The following AXIN1 variants were observed in gnomAD, a reference collection of about 807,000 sequenced individuals.
The protein encoded by AXIN1 is axin 1, also known as axin-1.
A neutral mutation model predicts 76.4 loss-of-function variants in AXIN1; 30 were observed. The ratio of observed to expected loss-of-function variants is 0.39; its 90% CI spans 0.29 to 0.53. The LOEUF is 0.53. Among genes scored for constraint, AXIN1 ranks in the 20% least tolerant of loss-of-function variants. The probability of loss-of-function intolerance (pLI) is 0.66; values close to 1 mark genes in which losing one functional copy is unlikely to be tolerated. For missense variants in AXIN1, 1,140 were observed against 1,198.8 expected, an observed-to-expected ratio of 0.95 and a Z score of 0.72; for synonymous variants, 545 against 501.4, an observed-to-expected ratio of 1.09 and a Z score of -1.16.
At chr16:332,684 T>TA (rs1438520314) in intron 2 of AXIN1, among the ~76,000 whole-genome samples, 1 of 127,238 alleles carries the variant, frequency 7.9e-6, no homozygotes, top group African/African-American at 3.1e-5. Flanking sequence ...AAAAAAAGTA[T>TA]AATTTTTTGA....
chr16:344,137 C>T (rs1327787171), intron 2 of AXIN1, among the ~76,000 whole-genome samples: 1 of 151,812 alleles, frequency 6.6e-6, no homozygotes, highest in Non-Finnish European at 1.5e-5. Flanking sequence ...AGACAATGAA[C>T]AAAAGGGAAA....
intron 2 of AXIN1, among the ~76,000 whole-genome samples, chr16:343,676 C>T (rs2053973398): frequency 6.7e-6 from 1 of 149,784 alleles, no homozygotes; most frequent in Admixed American, 6.7e-5. Flanking sequence ...GCACTCCAGC[C>T]TGGGCGACAG....
chr16:329,789 A>ATTTTTT (rs773869039), intron 2 of AXIN1, among the ~76,000 whole-genome samples: 1 of 131,248 alleles, frequency 7.6e-6, no homozygotes, highest in Non-Finnish European at 1.7e-5. Flanking sequence ...TTGCCCGGCT[A>ATTTTTT]TTTTTTTTTT....
intron 5 of AXIN1, 55 bp downstream of exon 5, chr16:304,249 G>T: frequency 1.2e-6 from 2 of 1,600,666 alleles, no homozygotes. Context: ...CATCCCGGCG[G>T]CAAGAAAACA....
At chr16:338,507 T>G (rs903354886) in intron 2 of AXIN1, among the ~76,000 whole-genome samples, 1 of 152,260 alleles carries the variant, frequency 6.6e-6, no homozygotes, top group Admixed American at 6.5e-5. Context: ...TCCTTTGGCC[T>G]GACAGGCAAC....
intron 2 of AXIN1, among the ~76,000 whole-genome samples, chr16:342,271 G>A (rs939323033): frequency 2.0e-5 from 3 of 152,090 alleles, no homozygotes; most frequent in Admixed American, 6.6e-5. Context: ...GAACACCTCC[G>A]AACGTCAGAA....
At chr16:324,272 G>A (rs2053530180) in intron 2 of AXIN1, among the ~76,000 whole-genome samples, 1 of 146,790 alleles carries the variant, frequency 6.8e-6, no homozygotes, top group South Asian at 2.1e-4. Flanking sequence ...CGATGCCATG[G>A]CATGGGGGCT....
chr16:299,354 G>T, intron 5 of AXIN1: 1 of 622,868 alleles, frequency 1.6e-6, no homozygotes, highest in Non-Finnish European at 2.0e-6. Flanking sequence ...ATGTATCTAT[G>T]TATGTATTTA....
At chr16:327,794 G>A (rs11648673) in intron 2 of AXIN1, among the ~76,000 whole-genome samples, 41,794 of 152,202 alleles carry the variant, frequency 0.27, 6,014 homozygotes, top group South Asian at 0.4. Context: ...GAGCATTTCA[G>A]CAAACAGTGC....
intron 2 of AXIN1, among the ~76,000 whole-genome samples, chr16:315,832 GAAAAAAAA>G (rs922939817): frequency 2.8e-5 from 2 of 72,668 alleles, no homozygotes; most frequent in African/African-American, 4.9e-5. Flanking sequence ...TGTCTCAAAA[GAAAAAAAA>G]AAAAAAAAAA....
At chr16:314,522 G>C (rs2141592100) in intron 3 of AXIN1, 21 bp downstream of exon 3, 1 of 1,612,884 alleles carries the variant, frequency 6.2e-7, no homozygotes, top group South Asian at 1.1e-5. Context: ...TGAGGGACTG[G>C]GTATCCGGGG....
At chr16:328,441 A>C (rs1414761840) in intron 2 of AXIN1, among the ~76,000 whole-genome samples, 2 of 152,158 alleles carry the variant, frequency 1.3e-5, no homozygotes, top group Non-Finnish European at 2.9e-5. Flanking sequence ...CACGCCTGTA[A>C]TCCCAATACT....
chr16:300,248 G>A (rs1250898500), intron 5 of AXIN1, among the ~76,000 whole-genome samples: 2 of 152,094 alleles, frequency 1.3e-5, no homozygotes, highest in Non-Finnish European at 2.9e-5. Flanking sequence ...AATCGCAGTG[G>A]TGCCATCACA....
chr16:342,074 T>C (rs1024484580), intron 2 of AXIN1, among the ~76,000 whole-genome samples: 4 of 152,202 alleles, frequency 2.6e-5, no homozygotes, highest in Admixed American at 6.5e-5. Context: ...GAGCCAGCAG[T>C]GGTAACTCGC....
At chr16:309,302 A>G (rs2053112304) in intron 4 of AXIN1, among the ~76,000 whole-genome samples, 1 of 152,176 alleles carries the variant, frequency 6.6e-6, no homozygotes, top group Non-Finnish European at 1.5e-5. Flanking sequence ...TCAAAAAAAA[A>G]AAAAGAAAAC....
chr16:341,547 C>G (rs1192481601), intron 2 of AXIN1, among the ~76,000 whole-genome samples: 1 of 152,262 alleles, frequency 6.6e-6, no homozygotes, highest in Non-Finnish European at 1.5e-5. Context: ...AGCCCCCCAC[C>G]CCCTCCGTGG....
At chr16:291,520 G>C in intron 8 of AXIN1, 1 of 599,242 alleles carries the variant, frequency 1.7e-6, no homozygotes, top group Non-Finnish European at 3.0e-6. Flanking sequence ...CATGATCCCG[G>C]CACCAACCCC....
At chr16:345,097 G>A (rs755279822) in intron 2 of AXIN1, among the ~76,000 whole-genome samples, 2 of 152,198 alleles carry the variant, frequency 1.3e-5, no homozygotes, top group African/African-American at 2.4e-5. Flanking sequence ...ATGCCAGCCC[G>A]AAAGCCAAAT....
intron 10 of AXIN1, among the ~76,000 whole-genome samples, chr16:288,720 T>A (rs1014868500): frequency 6.6e-6 from 1 of 152,254 alleles, no homozygotes; most frequent in Non-Finnish European, 1.5e-5. Context: ...CACCGCCCAG[T>A]GCTCACTCGG....
Sources: gnomAD v4.1 joint callset for allele counts (sites outside exome capture counted in the v4.1 genomes callset) on GRCh38, gnomAD v4.1.1 for gene constraint, MANE v1.5 for transcripts, NCBI Gene and HGNC (gene_info 2026-07-23, HGNC 2026-07-21) for gene names.